GTF2B: variants seen among roughly 807,000 people sequenced by gnomAD.
The protein encoded by GTF2B is general transcription factor IIB.
In GTF2B, 20 loss-of-function variants were observed where a neutral mutation model predicts 34.6. That is an observed-to-expected ratio of 0.58 (90% CI 0.41 to 0.84). The LOEUF (loss-of-function observed/expected upper bound fraction) is 0.84, where lower values mean the gene tolerates loss of function less well. Ranked by LOEUF, GTF2B falls within the 40% of genes least tolerant of loss-of-function variation. GTF2B has a pLI of 0.00. For missense variants in GTF2B, 237 were observed against 393.3 expected (o/e 0.60, Z 3.36); for synonymous variants, 142 against 132.4 (o/e 1.07, Z -0.50).
chr1:88,869,930 CT>C (rs373929464), intron 2 of GTF2B, among the ~76,000 whole-genome samples: 2,245 of 144,144 alleles, frequency 0.016, 31 homozygotes, highest in Non-Finnish European at 0.017. Context: ...GCCAAAATGA[CT>C]TTTTTTTTTT....
At position 88,883,943 on chromosome 1, in the gene GTF2B, G is replaced by A. The variant is rs75021587; in HGVS notation, c.124+3318C>T. ...ATACTGAATTAACACTTTTGCAACTGCTTTGAAGCTATTTTCTCCTATAGC... is the reference window on the plus strand; with the variant it reads ...ATACTGAATTAACACTTTTGCAACTACTTTGAAGCTATTTTCTCCTATAGC... On this transcript the variant is annotated intron_variant, in intron 2 of 6. Transcript: ENST00000370500. Among the ~76,000 whole-genome samples the A allele has an allele frequency of 6.2e-3, 938 of 151,576 alleles. 12 individuals are homozygous for A. The South Asian group carries it at 0.067, about 11-fold the overall frequency.
In GTF2B at chr1:88,859,864, A is replaced by C; in HGVS notation, c.535+18T>G. ...CAAACAAACAAACAAACACAAAAAA[A>C]CAAAGCTAAAAACTTACCTTTAAAT... On this transcript the variant is annotated intron_variant, in intron 5 of 6. Coordinates refer to ENST00000370500, the MANE Select transcript of GTF2B (RefSeq NM_001514.6). The C allele has an allele frequency of 6.2e-7, 1 of 1,605,930 alleles. No individual in the cohort carries two copies. The highest frequency in any genetic ancestry group is 1.7e-4 in the Middle Eastern group (1 of 6,032).
rs1320646621 is a variant in GTF2B, at chr1:88,859,942, T to C, written c.475A>G (p.Ile159Val). ...GCAATATAGAGACAAGCAGAAGCTA[T>C]AGCATCATTAGCTCTTCCCTTCAGG... ...KSLKGRANDA[I>V]ASACLYIACR... The change falls in exon 5 of 7, where the codon ATA becomes GTA. Residue 159 changes from isoleucine (I) to valine (V), a missense_variant. Transcript: ENST00000370500. The C allele has an allele frequency of 4.3e-6, 7 of 1,612,568 alleles. No homozygotes were observed. Among genetic ancestry groups the C allele is most frequent in the Non-Finnish European group, 5.9e-6 (7 of 1,178,616 alleles).
chr1:88,865,513 G>C (rs1673528399), intron 2 of GTF2B, among the ~76,000 whole-genome samples: 1 of 152,122 alleles, frequency 6.6e-6, no homozygotes, highest in South Asian at 2.1e-4. Flanking sequence ...CCTGAGGTCA[G>C]GAGTTTGAGA....
chr1:88,861,358 T>G (rs1252425777), intron 3 of GTF2B, among the ~76,000 whole-genome samples: 1 of 152,188 alleles, frequency 6.6e-6, no homozygotes, highest in Non-Finnish European at 1.5e-5. Flanking sequence ...AAAACCCCAG[T>G]GAGAATATTA....
chr1:88,867,195 GAA>G (rs1673581427), intron 2 of GTF2B, among the ~76,000 whole-genome samples: 1 of 152,036 alleles, frequency 6.6e-6, no homozygotes. Flanking sequence ...AGATACGTTA[GAA>G]AAAAATTACC....
intron 3 of GTF2B, among the ~76,000 whole-genome samples, chr1:88,860,831 T>C (rs897819362): frequency 6.6e-6 from 1 of 152,170 alleles, no homozygotes; most frequent in Non-Finnish European, 1.5e-5. Context: ...CCAAAGAAAG[T>C]ACTATGATTA....
chr1:88,888,922 T>TTA (rs1674132474), intron 1 of GTF2B, among the ~76,000 whole-genome samples: 1 of 152,238 alleles, frequency 6.6e-6, no homozygotes, highest in Admixed American at 6.5e-5. Flanking sequence ...TGCTAGTGTC[T>TTA]TAGCTAGTGC....
At chr1:88,891,327 C>CT (rs1235177866) in intron 1 of GTF2B, among the ~76,000 whole-genome samples, 156 bp downstream of exon 1, 1 of 152,214 alleles carries the variant, frequency 6.6e-6, no homozygotes, top group Non-Finnish European at 1.5e-5. Flanking sequence ...GTCCTGCCGT[C>CT]TGGAAGTGCC....
At chr1:88,859,805 T>A in intron 5 of GTF2B, 77 bp downstream of exon 5, 2 of 1,356,654 alleles carry the variant, frequency 1.5e-6, no homozygotes, top group Non-Finnish European at 2.1e-6. Flanking sequence ...CACTGCACTC[T>A]GGCCTGGGCG....
intron 2 of GTF2B, among the ~76,000 whole-genome samples, chr1:88,869,260 T>C (rs139615013): frequency 1.1e-4 from 16 of 152,312 alleles, no homozygotes; most frequent in Non-Finnish European, 1.9e-4. Context: ...CTACGTCATA[T>C]TGTATCAGAG....
chr1:88,891,484 G>T lies in GTF2B; in HGVS notation c.16C>A (p.Arg6Ser). 6.2e-7 allele frequency: 1 copy of T among 1,602,658 alleles called. No individual in the cohort carries two copies. Among genetic ancestry groups the T allele is most frequent in the Non-Finnish European group, 8.5e-7 (1 of 1,174,236 alleles). Residue 6 changes from arginine (R) to serine (S), a missense_variant and splice_region_variant, in exon 1 of 7, where the codon CGT (arginine) becomes AGT (serine). Arg to Ser is a moderately radical substitution (Grantham distance 110). Transcript: ENST00000370500. MASTS[R>S]LDALPRVTCP... ...CCGGGCTCGGCGGGACATACTAACC[G>T]GCTGGTAGACGCCATCTTCACGGCG...
chr1:88,886,508 A>G (rs968176744), intron 2 of GTF2B, among the ~76,000 whole-genome samples: 3 of 152,236 alleles, frequency 2.0e-5, no homozygotes, highest in Non-Finnish European at 4.4e-5. Context: ...ATGACTGTAT[A>G]AAAGTTATAA....
intron 2 of GTF2B, among the ~76,000 whole-genome samples, chr1:88,869,152 G>A (rs1673630088): frequency 6.6e-6 from 1 of 152,056 alleles, no homozygotes. Flanking sequence ...ATTATTCCCT[G>A]AGCACAATAT....
At chr1:88,853,548 T>TA (rs1673236720) in intron 6 of GTF2B, among the ~76,000 whole-genome samples, 3 of 152,212 alleles carry the variant, frequency 2.0e-5, no homozygotes, top group African/African-American at 7.2e-5. Flanking sequence ...CTCATGCCTG[T>TA]AATCCCAGCA....
intron 2 of GTF2B, among the ~76,000 whole-genome samples, chr1:88,870,463 G>A (rs1368904191): frequency 2.0e-5 from 3 of 152,102 alleles, no homozygotes; most frequent in African/African-American, 7.2e-5. Context: ...TTCAACAAGG[G>A]AATACTCTTT....
chr1:88,875,973 T>TA (rs1229044886), intron 2 of GTF2B, among the ~76,000 whole-genome samples: 1 of 152,116 alleles, frequency 6.6e-6, no homozygotes, highest in Non-Finnish European at 1.5e-5. Context: ...TCCCCTTCTG[T>TA]AAAATGGAAA....
rs906082396 is a variant in GTF2B at position 88,859,937 on chromosome 1, A to T, written c.480T>A (p.Ala160=). The change falls in exon 5 of 7, where the codon GCT becomes GCA. Residue 160 remains alanine (A), a synonymous_variant. Coordinates refer to ENST00000370500, the MANE Select transcript of GTF2B (RefSeq NM_001514.6). The stretch of plus-strand genomic sequence containing the variant: ...TACAGGCAATATAGAGACAAGCAGA[A>T]GCTATAGCATCATTAGCTCTTCCCT... ...SLKGRANDAI[A]SACLYIACRQ... 6.2e-7 allele frequency: 1 copy of T among 1,613,572 alleles called. No homozygotes were observed.
intron 2 of GTF2B, among the ~76,000 whole-genome samples, chr1:88,882,232 C>T (rs559068904): frequency 2.0e-5 from 3 of 149,016 alleles, no homozygotes; most frequent in Non-Finnish European, 4.4e-5. Context: ...ATCGCTTGAA[C>T]CCCGGAGGCA....
Sources: gnomAD v4.1 joint callset for allele counts (sites outside exome capture counted in the v4.1 genomes callset) on GRCh38, gnomAD v4.1.1 for gene constraint, MANE v1.5 for transcripts, NCBI Gene and HGNC (gene_info 2026-07-23, HGNC 2026-07-21) for gene names.